Variants in SLC35F3 observed in about 807,000 individuals in gnomAD.
The protein encoded by SLC35F3 is putative thiamine transporter SLC35F3.
Under a neutral mutation model 49.9 loss-of-function variants are expected in SLC35F3, and 25 were observed. That is an observed-to-expected ratio of 0.50 (90% CI 0.37 to 0.70). The LOEUF (loss-of-function observed/expected upper bound fraction) is 0.70. Among genes scored for constraint, SLC35F3 ranks in the 30% least tolerant of loss-of-function variants. The probability of loss-of-function intolerance (pLI) is 0.00; values close to 1 mark genes in which losing one functional copy is unlikely to be tolerated. For missense variants in SLC35F3, 525 were observed against 639.8 expected (o/e 0.82, Z 1.94); for synonymous variants, 275 against 265.4 (o/e 1.04, Z -0.35).
At chr1:234,257,691 G>T (rs1420816541) in intron 3 of SLC35F3, among the ~76,000 whole-genome samples, 1 of 152,168 alleles carries the variant, frequency 6.6e-6, no homozygotes, top group African/African-American at 2.4e-5. Context: ...CAATAAGAAA[G>T]TTGTAAAAGT....
At chr1:233,936,734 G>T (rs183471806) in intron 2 of SLC35F3, among the ~76,000 whole-genome samples, 117 of 151,944 alleles carry the variant, frequency 7.7e-4, no homozygotes, top group Admixed American at 1.4e-3. Flanking sequence ...TGTCGCCCAA[G>T]CTGAAGTGCA....
chr1:234,195,147 G>A (rs905917882), intron 2 of SLC35F3, among the ~76,000 whole-genome samples: 12 of 152,180 alleles, frequency 7.9e-5, no homozygotes, highest in African/African-American at 1.4e-4. Flanking sequence ...CCAAGGACAC[G>A]TGTGGACAGA....
intron 2 of SLC35F3, among the ~76,000 whole-genome samples, chr1:233,951,874 C>G (rs1346510750): frequency 6.6e-6 from 1 of 152,052 alleles, no homozygotes; most frequent in Admixed American, 6.5e-5. Flanking sequence ...GCCCAGCTAT[C>G]AAGACTTCTT....
chr1:234,306,806 A>C (rs756042039), intron 3 of SLC35F3, among the ~76,000 whole-genome samples: 1 of 152,134 alleles, frequency 6.6e-6, no homozygotes, highest in Non-Finnish European at 1.5e-5. Context: ...GGAGGAGTCA[A>C]ATATGGATTT....
intron 2 of SLC35F3, among the ~76,000 whole-genome samples, chr1:234,132,341 T>C (rs76739787): frequency 6.6e-6 from 1 of 152,366 alleles, no homozygotes; most frequent in Non-Finnish European, 1.5e-5. Context: ...TTCATTGCTA[T>C]AAGCAATGTA....
intron 2 of SLC35F3, among the ~76,000 whole-genome samples, chr1:234,226,823 T>C (rs951726618): frequency 6.6e-6 from 1 of 152,204 alleles, no homozygotes; most frequent in Non-Finnish European, 1.5e-5. Context: ...GGCGGGTTTA[T>C]TGCCTGACAG....
intron 2 of SLC35F3, among the ~76,000 whole-genome samples, chr1:234,064,585 C>G (rs1175087049): frequency 6.6e-6 from 1 of 152,192 alleles, no homozygotes; most frequent in Non-Finnish European, 1.5e-5. Context: ...CTGACACAAT[C>G]ACATGCAATC....
intron 2 of SLC35F3, among the ~76,000 whole-genome samples, chr1:233,938,368 G>T (rs1456480367): frequency 6.6e-6 from 1 of 152,034 alleles, no homozygotes; most frequent in African/African-American, 2.4e-5. Context: ...TGGTCTTTCT[G>T]TGGCTCTCCT....
intron 2 of SLC35F3, among the ~76,000 whole-genome samples, chr1:234,008,575 G>A (rs1663666285): frequency 1.3e-5 from 2 of 152,304 alleles, no homozygotes; most frequent in South Asian, 2.1e-4. Flanking sequence ...TTATGCTGAA[G>A]TGTTTTACTC....
chr1:234,184,433 A>C (rs536420288), intron 2 of SLC35F3, among the ~76,000 whole-genome samples: 1 of 152,332 alleles, frequency 6.6e-6, no homozygotes, highest in South Asian at 2.1e-4. Context: ...TGTGAGACCT[A>C]TGACTTTAAT....
chr1:234,207,059 C>T (rs1666981631), intron 2 of SLC35F3, among the ~76,000 whole-genome samples: 1 of 152,114 alleles, frequency 6.6e-6, no homozygotes, highest in African/African-American at 2.4e-5. Context: ...ATTCTAGTTC[C>T]CACTCCACAG....
rs1466670356 is a variant in SLC35F3 at position 233,924,193 on chromosome 1, T to C, written c.283+18435T>C. 4.6e-5 allele frequency among the ~76,000 whole-genome samples: 7 copies of C among 152,214 alleles called. No homozygotes were observed. The South Asian group carries it at 1.4e-3, about 32-fold the overall frequency. The stretch of plus-strand genomic sequence containing the variant: ...TACGGAAAATTCCCTTTTTTTCTGT[T>C]GATTGGAATAGTTTTAGAAGGAATG... On this transcript the variant is annotated intron_variant, in intron 2 of 7. Transcript: ENST00000366618.
chr1:234,164,549 G>T (rs948886542), intron 2 of SLC35F3, among the ~76,000 whole-genome samples: 1 of 152,074 alleles, frequency 6.6e-6, no homozygotes, highest in African/African-American at 2.4e-5. Flanking sequence ...TGGAAGGGCG[G>T]CCACGTGGCT....
intron 3 of SLC35F3, among the ~76,000 whole-genome samples, chr1:234,234,888 T>C (rs1387702531): frequency 6.6e-6 from 1 of 152,222 alleles, no homozygotes; most frequent in African/African-American, 2.4e-5. Flanking sequence ...CTATACACTG[T>C]AACATGCTGT....
intron 2 of SLC35F3, among the ~76,000 whole-genome samples, chr1:234,177,347 G>A (rs1666491343): frequency 1.3e-5 from 2 of 152,198 alleles, no homozygotes; most frequent in African/African-American, 4.8e-5. Flanking sequence ...GGCTAATACA[G>A]TGGTCTTCTA....
At chr1:233,968,783 C>T (rs1374709586) in intron 2 of SLC35F3, among the ~76,000 whole-genome samples, 1 of 152,158 alleles carries the variant, frequency 6.6e-6, no homozygotes, top group Non-Finnish European at 1.5e-5. Flanking sequence ...CTGCACCCAG[C>T]CAATAGGTAG....
intron 3 of SLC35F3, among the ~76,000 whole-genome samples, chr1:234,297,396 T>G (rs1169673832): frequency 6.6e-6 from 1 of 152,244 alleles, no homozygotes; most frequent in Non-Finnish European, 1.5e-5. Context: ...GCTTCAATGT[T>G]TATTGATGGA....
At chr1:234,007,063 G>A (rs1341053267) in intron 2 of SLC35F3, among the ~76,000 whole-genome samples, 1 of 152,118 alleles carries the variant, frequency 6.6e-6, no homozygotes, top group Non-Finnish European at 1.5e-5. Flanking sequence ...GCCATAGACG[G>A]ATGGACCTGG....
rs1666300382 is a variant in SLC35F3 at position 234,165,485 on chromosome 1, A to T, written c.284-65932A>T. On this transcript the variant is annotated intron_variant, in intron 2 of 7. Coordinates refer to ENST00000366618, the MANE Select transcript of SLC35F3 (RefSeq NM_173508.4). ...AGAATTCAACATGAACAAGTTATACATTAGAAAATATATTCATAAAATAGT... is the reference window on the plus strand; with the variant it reads ...AGAATTCAACATGAACAAGTTATACTTTAGAAAATATATTCATAAAATAGT... Among the ~76,000 whole-genome samples the T allele has an allele frequency of 2.0e-5, 3 of 152,184 alleles. No homozygotes were observed. In the South Asian group the frequency reaches 6.2e-4, roughly 32 times the overall value.
Sources: allele counts gnomAD v4.1 joint callset (sites outside exome capture counted in the v4.1 genomes callset), GRCh38; gene constraint gnomAD v4.1.1; transcripts MANE v1.5; gene names NCBI Gene and HGNC (gene_info 2026-07-23, HGNC 2026-07-21).